OTOG: variants seen among roughly 807,000 people sequenced by gnomAD.
OTOG encodes otogelin.
In OTOG, 296 loss-of-function variants were observed where a neutral mutation model predicts 313.8. The observed-to-expected ratio is 0.94, with a 90% confidence interval of 0.86 to 1.04. OTOG has a LOEUF of 1.04. Among genes scored for constraint, OTOG ranks in the 50% least tolerant of loss-of-function variants. The probability of loss-of-function intolerance (pLI) is 0.00; values close to 1 mark genes in which losing one functional copy is unlikely to be tolerated. For missense variants in OTOG, 3,948 were observed against 3,840.1 expected (o/e 1.03, Z -0.74); for synonymous variants, 1,533 against 1,554.9 (o/e 0.99, Z 0.33).
rs565351912 is a variant in OTOG, at chr11:17,554,834, G to A, written c.541-945G>A. The stretch of plus-strand genomic sequence containing the variant: ...TCGTGGGTTACAAAATCAACTTAAC[G>A]AATCACAACCATCATTAAAAAATGA... On this transcript the variant is annotated intron_variant, in intron 6 of 55. Transcript: ENST00000399397. 8.5e-5 allele frequency among the ~76,000 whole-genome samples: 13 copies of A among 152,246 alleles called. No homozygotes were observed. The South Asian group carries it at 1.9e-3, about 22-fold the overall frequency.
chr11:17,558,794 C>A, intron 10 of OTOG, 150 bp downstream of exon 10: 1 of 907,822 alleles, frequency 1.1e-6, no homozygotes, highest in Non-Finnish European at 1.7e-6. Flanking sequence ...GACAGAGCTG[C>A]CCCATTCAAC....
At chr11:17,639,391 T>A (rs778219508) in intron 48 of OTOG, 32 bp from the exon 49 acceptor site, 2 of 1,550,376 alleles carry the variant, frequency 1.3e-6, no homozygotes, top group South Asian at 1.2e-5. Context: ...ACATCCCTGA[T>A]GAAGTGGGGC....
intron 39 of OTOG, among the ~76,000 whole-genome samples, chr11:17,617,806 A>T (rs1853760762): frequency 6.6e-6 from 1 of 151,532 alleles, no homozygotes; most frequent in African/African-American, 2.4e-5. Flanking sequence ...GATTTCTGCT[A>T]TCTTTATTAT....
At chr11:17,596,535 G>T (rs1312210198) in intron 29 of OTOG, among the ~76,000 whole-genome samples, 1 of 152,234 alleles carries the variant, frequency 6.6e-6, no homozygotes, top group Non-Finnish European at 1.5e-5. Flanking sequence ...GGCCTTGAAG[G>T]CTGCTGTCAG....
chr11:17,644,736 C>A (rs1490579660), intron 54 of OTOG, among the ~76,000 whole-genome samples: 1 of 147,042 alleles, frequency 6.8e-6, no homozygotes, highest in Admixed American at 6.8e-5. Context: ...TGGAAGGGGC[C>A]TGTGCAAAAG....
intron 39 of OTOG, among the ~76,000 whole-genome samples, chr11:17,619,602 T>C (rs1853813085): frequency 6.6e-6 from 1 of 152,198 alleles, no homozygotes; most frequent in South Asian, 2.1e-4. Context: ...GTAATTTTAC[T>C]TTGTCACAGA....
chr11:17,580,961 G>T (rs1590017960), intron 23 of OTOG, among the ~76,000 whole-genome samples: 1 of 152,048 alleles, frequency 6.6e-6, no homozygotes, highest in African/African-American at 2.4e-5. Context: ...GGGGTAAAAA[G>T]GTATAAATCC....
intron 39 of OTOG, among the ~76,000 whole-genome samples, chr11:17,621,650 G>A (rs1385358930): frequency 1.3e-5 from 2 of 152,110 alleles, no homozygotes; most frequent in Non-Finnish European, 2.9e-5. Context: ...CTTGGCCTTT[G>A]TGAATGTCTA....
rs1853020067 is a variant in OTOG, at chr11:17,593,873, C to T, written c.3288+117C>T. 1.3e-5 allele frequency: 18 copies of T among 1,416,802 alleles called. 1 individual carries two copies. Among genetic ancestry groups the T allele is most frequent in the Middle Eastern group, 2.5e-4 (1 of 4,038 alleles). 87.8% of individuals were successfully genotyped at this position (1,416,802 alleles called of 1,614,324 possible). A position where few individuals can be genotyped will look rare whatever the true frequency, so the allele number is the denominator to read the frequency against. On this transcript the variant is annotated intron_variant, in intron 27 of 55. Coordinates refer to ENST00000399397, the MANE Select transcript of OTOG (RefSeq NM_001292063.2). ...AAGAAGAGCATGCCTCTGTTCTCTC[C>T]TCCGCCCTGCTCTGGGCCCCTTCTC... is the stretch of plus-strand genomic sequence containing the variant.
chr11:17,643,694 G>A (rs959854917), intron 54 of OTOG, among the ~76,000 whole-genome samples, 188 bp downstream of exon 54: 1 of 152,240 alleles, frequency 6.6e-6, no homozygotes, highest in African/African-American at 2.4e-5. Context: ...CAGATGGCTG[G>A]AGGCCATGTT....
At chr11:17,620,147 T>C (rs1853828675) in intron 39 of OTOG, among the ~76,000 whole-genome samples, 1 of 152,220 alleles carries the variant, frequency 6.6e-6, no homozygotes, top group Non-Finnish European at 1.5e-5. Context: ...TGGCATTTAG[T>C]ACATTCACAA....
intron 47 of OTOG, 84 bp downstream of exon 47, chr11:17,635,795 AG>A: frequency 8.7e-7 from 1 of 1,152,890 alleles, no homozygotes; most frequent in Non-Finnish European, 1.3e-6. Context: ...GGGGGTTGAC[AG>A]GGAGCAACAG....
chr11:17,555,797 T>G lies in OTOG; in HGVS notation c.559T>G (p.Cys187Gly), dbSNP rs1169854737. The G allele has an allele frequency of 1.3e-6, 2 of 1,550,542 alleles. No individual in the cohort carries two copies. ...TACTCAGGTACACAATGACCCGCAGTGTGGCTCTTCACCCTACACCTGCTC... is the reference window on the plus strand; with the variant it reads ...TACTCAGGTACACAATGACCCGCAGGGTGGCTCTTCACCCTACACCTGCTC... ...FSIQVHNDPQCGSSPYTCSRA... is the reference protein window; with the variant it reads ...FSIQVHNDPQGGSSPYTCSRA... The change falls in exon 7 of 56, where the codon TGT becomes GGT. Residue 187 changes from cysteine (C) to glycine (G), a missense_variant. Cys to Gly is a radical substitution (Grantham distance 159). Coordinates refer to ENST00000399397, the MANE Select transcript of OTOG (RefSeq NM_001292063.2).
chr11:17,607,296 G>A (rs1162361748), intron 33 of OTOG, among the ~76,000 whole-genome samples: 1 of 152,236 alleles, frequency 6.6e-6, no homozygotes, highest in East Asian at 1.9e-4. Context: ...CCTGGAGCCT[G>A]CTTCGGAGCC....
intron 15 of OTOG, among the ~76,000 whole-genome samples, chr11:17,565,416 TTATC>T (rs1389518370): frequency 2.6e-5 from 4 of 152,220 alleles, no homozygotes; most frequent in African/African-American, 9.6e-5. Flanking sequence ...TCAACATTGT[TTATC>T]ACTGTTGATT....
chr11:17,554,245 G>A (rs1375807480), intron 6 of OTOG, among the ~76,000 whole-genome samples: 1 of 152,180 alleles, frequency 6.6e-6, no homozygotes, highest in African/African-American at 2.4e-5. Flanking sequence ...GTAACTCAAA[G>A]TTCCATATTA....
Position 17,624,717 on chromosome 11 carries a change from A to G in OTOG, c.6529-4416A>G, listed in dbSNP as rs570989397. ...GAATGTCATTGGTAGTTTGATAGGA[A>G]GAGCATTGAATCTATCAATTGCTTT... On this transcript the variant is annotated intron_variant, in intron 39 of 55. Transcript: ENST00000399397. Among the ~76,000 whole-genome samples, 9 of 152,306 alleles carry G rather than the reference A, an allele frequency of 5.9e-5. No individual in the cohort carries two copies. The South Asian group carries it at 1.9e-3, about 32-fold the overall frequency.
At chr11:17,603,196 G>T (rs1204733875) in intron 32 of OTOG, among the ~76,000 whole-genome samples, 1 of 152,150 alleles carries the variant, frequency 6.6e-6, no homozygotes, top group African/African-American at 2.4e-5. Flanking sequence ...GTACCTGGCA[G>T]AATCACGTAG....
At chr11:17,618,015 C>G (rs988175837) in intron 39 of OTOG, among the ~76,000 whole-genome samples, 1 of 151,994 alleles carries the variant, frequency 6.6e-6, no homozygotes, top group Non-Finnish European at 1.5e-5. Context: ...CTGGTTCACA[C>G]CATTCTCCTG....
Sources: allele counts gnomAD v4.1 joint callset (sites outside exome capture counted in the v4.1 genomes callset), GRCh38; gene constraint gnomAD v4.1.1; transcripts MANE v1.5; gene names NCBI Gene and HGNC (gene_info 2026-07-23, HGNC 2026-07-21).